Variants in CCNY observed in about 807,000 individuals in gnomAD.
CCNY encodes the protein cyclin-Y.
In CCNY, 19 loss-of-function variants were observed where a neutral mutation model predicts 42.8. That is an observed-to-expected ratio of 0.44 (90% confidence interval 0.31 to 0.65). CCNY has a LOEUF of 0.65. Among genes scored for constraint, CCNY ranks in the 30% least tolerant of loss-of-function variants. The pLI is 0.07. For synonymous variants in CCNY, 165 were observed against 162.7 expected (o/e 1.01, Z -0.11); for missense variants, 370 against 437.3 (o/e 0.85, Z 1.37).
chr10:35,374,613 C>T (rs191572927), intron 1 of CCNY, among the ~76,000 whole-genome samples: 89 of 152,264 alleles, frequency 5.8e-4, no homozygotes, highest in Admixed American at 2.2e-3. Flanking sequence ...TCATTGAGCC[C>T]GTTAAAAGTA....
chr10:35,359,943 CTT>C (rs1257476402), intron 1 of CCNY, among the ~76,000 whole-genome samples: 8 of 152,226 alleles, frequency 5.3e-5, no homozygotes, highest in Admixed American at 6.5e-5. Context: ...TGAAAATTTC[CTT>C]CCTTTTTCAG....
At chr10:35,400,959 G>C (rs1837630664) in intron 1 of CCNY, among the ~76,000 whole-genome samples, 1 of 152,150 alleles carries the variant, frequency 6.6e-6, no homozygotes. Context: ...AATAGAAGGT[G>C]GTAGAGAAGA....
chr10:35,288,562 T>G (rs1390185372), intron 3 of CCNY, among the ~76,000 whole-genome samples: 6 of 152,164 alleles, frequency 3.9e-5, no homozygotes, highest in African/African-American at 1.4e-4. Context: ...TGTTTGCCTA[T>G]CCCAAGGTTG....
At chr10:35,475,316 A>G (rs184750458) in intron 1 of CCNY, among the ~76,000 whole-genome samples, 6,469 of 152,260 alleles carry the variant, frequency 0.042, 185 homozygotes, top group Non-Finnish European at 0.068. Context: ...CGAGAAGAGC[A>G]ACTCCAAGAC....
intron 8 of CCNY, among the ~76,000 whole-genome samples, chr10:35,558,802 C>G (rs1311515982): frequency 1.3e-5 from 2 of 152,160 alleles, no homozygotes; most frequent in African/African-American, 4.8e-5. Flanking sequence ...CTAGTAGCCT[C>G]TAGAATTGTG....
At chr10:35,293,039 C>T (rs1256144307) in intron 3 of CCNY, among the ~76,000 whole-genome samples, 1 of 151,718 alleles carries the variant, frequency 6.6e-6, no homozygotes, top group Admixed American at 6.6e-5. Flanking sequence ...CTTGGCCTCC[C>T]AAAGTGCTGA....
At chr10:35,565,935 G>A (rs1191669062) in intron 8 of CCNY, 88 bp from the exon 9 acceptor site, 2 of 1,317,980 alleles carry the variant, frequency 1.5e-6, no homozygotes, top group East Asian at 2.3e-5. Context: ...GCAGTTTTCT[G>A]GAGTCTGGTC....
intron 1 of CCNY, among the ~76,000 whole-genome samples, chr10:35,482,085 G>A (rs563161770): frequency 2.0e-4 from 31 of 152,318 alleles, no homozygotes; most frequent in African/African-American, 5.8e-4. Context: ...GTTAGGAACT[G>A]GCCCAGTAGC....
intron 1 of CCNY, among the ~76,000 whole-genome samples, chr10:35,424,320 G>A (rs1838220860): frequency 6.6e-6 from 1 of 152,186 alleles, no homozygotes; most frequent in Non-Finnish European, 1.5e-5. Flanking sequence ...TCCACCTCCA[G>A]GTTTCAAGCG....
chr10:35,446,734 G>T (rs1276746256), intron 1 of CCNY, among the ~76,000 whole-genome samples: 1 of 152,190 alleles, frequency 6.6e-6, no homozygotes, highest in African/African-American at 2.4e-5. Context: ...TGACAGTGCT[G>T]GGTTGCTCCT....
chr10:35,327,414 G>A (rs769467659), intron 3 of CCNY, among the ~76,000 whole-genome samples: 2 of 152,054 alleles, frequency 1.3e-5, no homozygotes, highest in Non-Finnish European at 2.9e-5. Flanking sequence ...CATTTAGGTT[G>A]CATTGTTTTT....
intron 3 of CCNY, among the ~76,000 whole-genome samples, chr10:35,310,794 T>A (rs1835674130): frequency 2.0e-5 from 3 of 152,224 alleles, no homozygotes; most frequent in Admixed American, 6.5e-5. Flanking sequence ...CACACTACTA[T>A]GATTAGCTAA....
chr10:35,538,956 G>T (rs1319850173), intron 7 of CCNY, among the ~76,000 whole-genome samples: 4 of 152,122 alleles, frequency 2.6e-5, no homozygotes, highest in African/African-American at 9.7e-5. Flanking sequence ...GCTAATTTTT[G>T]TGAGTTAGGG....
At chr10:35,467,492 A>G (rs1191738194) in intron 1 of CCNY, among the ~76,000 whole-genome samples, 2 of 152,150 alleles carry the variant, frequency 1.3e-5, no homozygotes, top group Admixed American at 6.5e-5. Flanking sequence ...GTTGAGCACT[A>G]TTGCTGGGAT....
intron 3 of CCNY, among the ~76,000 whole-genome samples, chr10:35,310,974 CAACAAAACAA>C (rs59550105): frequency 0.031 from 4,504 of 145,840 alleles, 69 homozygotes; most frequent in South Asian, 0.054. Flanking sequence ...AACCCTGTCT[CAACAAAACAA>C]AACAAAACAA....
intron 3 of CCNY, among the ~76,000 whole-genome samples, chr10:35,295,289 T>A (rs925878595): frequency 2.6e-5 from 4 of 151,734 alleles, no homozygotes; most frequent in African/African-American, 9.7e-5. Flanking sequence ...TGGAGTGCAA[T>A]GGTGTGATCT....
At position 35,293,732 on chromosome 10, in the gene CCNY, T is replaced by A. The variant is rs536928312; in HGVS notation, c.-9+43106T>A. 1.6e-4 allele frequency among the ~76,000 whole-genome samples: 24 copies of A among 152,302 alleles called. No homozygotes were observed. In the South Asian group the frequency reaches 3.3e-3, roughly 21 times the overall value. ...TTTCTTGAGCTATTATAAATGGAATTGTCTTCTAAGTTTCATTTTCAGATT... is the reference window on the plus strand; with the variant it reads ...TTTCTTGAGCTATTATAAATGGAATAGTCTTCTAAGTTTCATTTTCAGATT... On this transcript the variant is annotated intron_variant, in intron 3 of 11. Transcript: ENST00000374706.
intron 3 of CCNY, among the ~76,000 whole-genome samples, chr10:35,505,413 A>G (rs1048944912): frequency 8.5e-5 from 13 of 152,226 alleles, no homozygotes; most frequent in African/African-American, 2.9e-4. Flanking sequence ...CAAAAAAAAA[A>G]AAACCAAAGC....
chr10:35,485,231 T>G (rs1219488477), intron 2 of CCNY, among the ~76,000 whole-genome samples: 1 of 152,248 alleles, frequency 6.6e-6, no homozygotes, highest in Admixed American at 6.5e-5. Flanking sequence ...TGCCATTCTG[T>G]GGAGCATAGC....
Sources: gnomAD v4.1 joint callset for allele counts (sites outside exome capture counted in the v4.1 genomes callset) on GRCh38, gnomAD v4.1.1 for gene constraint, MANE v1.5 for transcripts, NCBI Gene and HGNC (gene_info 2026-07-23, HGNC 2026-07-21) for gene names.